Variants in SDF2 observed in about 807,000 individuals in gnomAD.
SDF2 encodes stromal cell-derived factor 2.
A neutral mutation model predicts 20.5 loss-of-function variants in SDF2; 12 were observed. That is an observed-to-expected ratio of 0.58 (90% CI 0.37 to 0.95). SDF2 has a LOEUF of 0.95. SDF2 is among the 40% of genes least tolerant of loss of function. SDF2 has a pLI of 0.01. For missense variants in SDF2, 238 were observed against 263.1 expected (o/e 0.90, Z 0.66); for synonymous variants, 100 against 101.0 (o/e 0.99, Z 0.06).
intron 2 of SDF2, among the ~76,000 whole-genome samples, chr17:28,650,331 A>G (rs12103701): frequency 7.1e-4 from 108 of 152,308 alleles, no homozygotes; most frequent in African/African-American, 2.4e-3. Context: ...ATTCATTGCT[A>G]TAAGATTATG....
intron 1 of SDF2, chr17:28,655,715 G>A (rs1360814888): frequency 1.7e-6 from 1 of 591,390 alleles, no homozygotes; most frequent in Non-Finnish European, 3.0e-6. Flanking sequence ...CAAAGCCTTA[G>A]ACAAGGGCCA....
At chr17:28,658,550 G>T (rs139691278) in intron 1 of SDF2, among the ~76,000 whole-genome samples, 1 of 152,186 alleles carries the variant, frequency 6.6e-6, no homozygotes, top group South Asian at 2.1e-4. Context: ...CACAGCACAC[G>T]TTTCAGAGAG....
chr17:28,648,648 ACATT>A lies in SDF2; in HGVS notation c.*337_*340del. On this transcript the variant is annotated 3_prime_UTR_variant, in exon 3 of 3. Coordinates refer to ENST00000247020, the MANE Select transcript of SDF2 (RefSeq NM_006923.4). ...AGAGAAAATAGGGGGAAAATCACAT[ACATT>A]AACAGTCCATGATGCCAAGCTCCTG... 1 of 290,666 alleles carries A rather than the reference ACATT, an allele frequency of 3.4e-6. No individual in the cohort carries two copies. The highest frequency in any genetic ancestry group is 2.1e-5 in the African/African-American group (1 of 46,896). 18.0% of individuals were successfully genotyped at this position (290,666 alleles called of 1,614,324 possible). A position where few individuals can be genotyped will look rare whatever the true frequency, so the allele number is the denominator to read the frequency against.
rs916928466 is a variant in SDF2, at chr17:28,660,187, C to T, written c.151+1539G>A. Among the ~76,000 whole-genome samples, 17 of 152,270 alleles carry T rather than the reference C, an allele frequency of 1.1e-4. 1 individual carries two copies. Among genetic ancestry groups the T allele is most frequent in the South Asian group, 2.1e-4 (1 of 4,826 alleles). On this transcript the variant is annotated intron_variant, in intron 1 of 2. Transcript: ENST00000247020. ...CCCAGGCAGGGAGGTTGCAGCGAGC[C>T]GAGATCACGGCAGTACAGTCCAGCC...
rs117847838 is a variant in SDF2 at position 28,650,491 on chromosome 17, G to A, written c.349-1215C>T. ...GAATTTCTTTTTTTTTTCTTTTTAA[G>A]AGTTGGGATTGTGGCCAGGTACGGT... On this transcript the variant is annotated intron_variant, in intron 2 of 2. Transcript: ENST00000247020. Among the ~76,000 whole-genome samples, 70 of 150,052 alleles carry A rather than the reference G, an allele frequency of 4.7e-4. No individual in the cohort carries two copies. The East Asian group carries it at 8.8e-3, about 19-fold the overall frequency.
chr17:28,661,907 G>C, upstream of SDF2: 2 of 1,581,578 alleles, frequency 1.3e-6, no homozygotes, highest in Non-Finnish European at 1.7e-6. Flanking sequence ...CCAAATCTTC[G>C]AAGAAAACTC....
chr17:28,661,694 C>A, intron 1 of SDF2, 32 bp downstream of exon 1: 1 of 1,601,872 alleles, frequency 6.2e-7, no homozygotes, highest in East Asian at 2.2e-5. Context: ...CGAGTCCTCC[C>A]TAGCCCACCC....
rs887762790 is a variant in SDF2 at position 28,648,921 on chromosome 17, T to C, written c.*68A>G. On this transcript the variant is annotated 3_prime_UTR_variant, in exon 3 of 3. Transcript: ENST00000247020. ...CTGCCCAAGGAACTTGTGGCAGGGA[T>C]CCCAAGGTGAGGCAGCAACAGATGT... 1.0e-5 allele frequency: 16 copies of C among 1,528,474 alleles called. No individual in the cohort carries two copies. In the African/African-American group the frequency reaches 2.2e-4, roughly 21 times the overall value. The allele number at this position is 1,528,474 out of a possible 1,614,324, so 94.7% of individuals were successfully genotyped here.
rs142902052 is a variant in SDF2, at chr17:28,661,487, T to C, written c.151+239A>G. 5.3e-5 allele frequency among the ~76,000 whole-genome samples: 8 copies of C among 152,292 alleles called. No individual in the cohort carries two copies. The East Asian group carries it at 1.3e-3, about 26-fold the overall frequency. On this transcript the variant is annotated intron_variant, in intron 1 of 2. Transcript: ENST00000247020. Reference sequence around the variant, plus strand: ...AACAATACTGTCCACCTTACAACAATGTTAATAATCGGAAAAAGGACATAG... The same window carrying C: ...AACAATACTGTCCACCTTACAACAACGTTAATAATCGGAAAAAGGACATAG...
chr17:28,653,190 C>T (rs1057372819), intron 2 of SDF2, among the ~76,000 whole-genome samples: 2 of 152,114 alleles, frequency 1.3e-5, no homozygotes, highest in Non-Finnish European at 1.5e-5. Context: ...AGAAACCTAA[C>T]GAACAAACAC....
At chr17:28,658,543 A>C (rs1348250970) in intron 1 of SDF2, among the ~76,000 whole-genome samples, 2 of 152,260 alleles carry the variant, frequency 1.3e-5, no homozygotes, top group African/African-American at 4.8e-5. Context: ...GAGTTGACAC[A>C]GCACACGTTT....
chr17:28,653,742 G>T (rs1368519624), intron 2 of SDF2, among the ~76,000 whole-genome samples: 1 of 152,148 alleles, frequency 6.6e-6, no homozygotes, highest in African/African-American at 2.4e-5. Flanking sequence ...AACCTGGGAG[G>T]CGGAGGTTGC....
intron 2 of SDF2, among the ~76,000 whole-genome samples, chr17:28,651,253 G>A (rs1029889208): frequency 1.3e-5 from 2 of 152,082 alleles, no homozygotes; most frequent in South Asian, 4.1e-4. Context: ...AATAGAGATG[G>A]GGGTTTCACC....
In SDF2 at chr17:28,649,508, A is replaced by T. The variant is rs543574617; in HGVS notation, c.349-232T>A. Reference sequence around the variant, plus strand: ...ACGCTATCCCTAAAAAAAATACAAAAGAAATTAGCTGAGGTCAGGAGTTCA... The same window carrying T: ...ACGCTATCCCTAAAAAAAATACAAATGAAATTAGCTGAGGTCAGGAGTTCA... On this transcript the variant is annotated intron_variant, in intron 2 of 2. Transcript: ENST00000247020. 7.9e-5 allele frequency among the ~76,000 whole-genome samples: 12 copies of T among 152,212 alleles called. No homozygotes were observed. The South Asian group carries it at 1.5e-3, about 18-fold the overall frequency.
rs955230300 is a variant in SDF2 at position 28,648,683 on chromosome 17, TAA to T, written c.*304_*305del. ...TCCATGATGCCAAGCTCCTGAAGAG[TAA>T]AAGTTTCCCAGCTAAGAGGGATGTT... On this transcript the variant is annotated 3_prime_UTR_variant, in exon 3 of 3. Coordinates refer to ENST00000247020, the MANE Select transcript of SDF2 (RefSeq NM_006923.4). The T allele has an allele frequency of 5.1e-6, 2 of 394,544 alleles. No individual in the cohort carries two copies. Among genetic ancestry groups the T allele is most frequent in the African/African-American group, 4.0e-5 (2 of 49,822 alleles). 24.4% of individuals were successfully genotyped at this position (394,544 alleles called of 1,614,324 possible).
intron 2 of SDF2, among the ~76,000 whole-genome samples, chr17:28,654,873 T>C (rs1328690399): frequency 6.6e-6 from 1 of 152,042 alleles, no homozygotes; most frequent in Non-Finnish European, 1.5e-5. Flanking sequence ...GGAGAACCGC[T>C]TGAACGCAGG....
intron 1 of SDF2, chr17:28,657,941 G>A (rs2071980124): frequency 6.6e-6 from 1 of 152,234 alleles, no homozygotes; most frequent in Non-Finnish European, 1.5e-5. Flanking sequence ...CTTGAGCCCA[G>A]GAGGTCAAGG....
chr17:28,657,094 G>C lies in SDF2; in HGVS notation c.152-1611C>G, dbSNP rs529112955. ...ATATAAAAATTAGCTGGGCGTGGTC[G>C]CATGTGCCTGTAATCCCAGCTACTT... On this transcript the variant is annotated intron_variant, in intron 1 of 2. Transcript: ENST00000247020. 1.6e-3 allele frequency among the ~76,000 whole-genome samples: 251 copies of C among 152,206 alleles called. 1 individual carries two copies. Among genetic ancestry groups the C allele is most frequent in the Middle Eastern group, 6.8e-3 (2 of 294 alleles).
chr17:28,660,966 A>C (rs2072028183), intron 1 of SDF2: 1 of 171,462 alleles, frequency 5.8e-6, no homozygotes, highest in South Asian at 9.7e-5. Context: ...TTGACTGATT[A>C]TCACCACCGA....
Sources: allele counts gnomAD v4.1 joint callset (sites outside exome capture counted in the v4.1 genomes callset), GRCh38; gene constraint gnomAD v4.1.1; transcripts MANE v1.5; gene names NCBI Gene and HGNC (gene_info 2026-07-23, HGNC 2026-07-21).